Variants in MYO3B observed in about 807,000 individuals in gnomAD.
The protein encoded by MYO3B is myosin IIIB, also known as myosin-IIIb.
A neutral mutation model predicts 174.6 loss-of-function variants in MYO3B; 156 were observed. The ratio of observed to expected loss-of-function variants is 0.89; its 90% CI spans 0.78 to 1.02. MYO3B has a LOEUF of 1.02. Ranked by LOEUF, MYO3B falls within the 50% of genes least tolerant of loss-of-function variation. MYO3B has a pLI of 0.00. For missense variants in MYO3B, 1,632 were observed against 1,639.4 expected, an observed-to-expected ratio of 1.00 and a Z score of 0.08; for synonymous variants, 563 against 569.1, an observed-to-expected ratio of 0.99 and a Z score of 0.15.
chr2:170,178,742 A>G (rs1333165840), intron 1 of MYO3B, among the ~76,000 whole-genome samples: 1 of 152,110 alleles, frequency 6.6e-6, no homozygotes, highest in East Asian at 1.9e-4. Context: ...AATGTTTTTC[A>G]CCCAAGAGAG....
intron 7 of MYO3B, among the ~76,000 whole-genome samples, chr2:170,324,916 A>G (rs988426668): frequency 6.6e-6 from 1 of 152,076 alleles, no homozygotes; most frequent in African/African-American, 2.4e-5. Flanking sequence ...TGGCTTCTCA[A>G]TGAATTTCAA....
chr2:170,571,972 G>C (rs1692465594), intron 32 of MYO3B, among the ~76,000 whole-genome samples: 1 of 152,168 alleles, frequency 6.6e-6, no homozygotes, highest in Non-Finnish European at 1.5e-5. Flanking sequence ...GTATACCATT[G>C]AAACATCAGT....
chr2:170,553,581 G>A (rs937768721), intron 32 of MYO3B, among the ~76,000 whole-genome samples: 21 of 151,952 alleles, frequency 1.4e-4, no homozygotes, highest in Non-Finnish European at 2.8e-4. Context: ...CTTATAGGTG[G>A]AAGGGACTTG....
intron 32 of MYO3B, among the ~76,000 whole-genome samples, chr2:170,603,909 A>G (rs575273952): frequency 6.6e-6 from 1 of 152,306 alleles, no homozygotes; most frequent in South Asian, 2.1e-4. Context: ...TTATAATACC[A>G]TATTTTTGCT....
intron 23 of MYO3B, among the ~76,000 whole-genome samples, chr2:170,460,717 G>C (rs1322891673): frequency 6.6e-6 from 1 of 152,166 alleles, no homozygotes; most frequent in Non-Finnish European, 1.5e-5. Flanking sequence ...TCACTAGCTG[G>C]GAGCTACCTC....
At chr2:170,494,673 AC>A (rs1686724133) in intron 25 of MYO3B, among the ~76,000 whole-genome samples, 1 of 134,346 alleles carries the variant, frequency 7.4e-6, no homozygotes, top group Admixed American at 9.3e-5. Flanking sequence ...GGTTGCAGAG[AC>A]CCCAGATCAC....
chr2:170,334,373 A>T lies in MYO3B; in HGVS notation c.750-1012A>T, dbSNP rs535064494. On this transcript the variant is annotated intron_variant, in intron 7 of 34. Coordinates refer to ENST00000408978, the MANE Select transcript of MYO3B (RefSeq NM_138995.5). ...GGATATCGAGGGGCAAATTGCGATC[A>T]CATTATCTGATGTATATTTATTTCT... 5 of 152,348 alleles carry T rather than the reference A, an allele frequency of 3.3e-5. No homozygotes were observed. In the South Asian group the frequency reaches 1.0e-3, roughly 32 times the overall value. 9.4% of individuals were successfully genotyped at this position (152,348 alleles called of 1,614,324 possible).
intron 32 of MYO3B, among the ~76,000 whole-genome samples, chr2:170,580,815 A>G (rs574668921): frequency 2.6e-5 from 4 of 151,732 alleles, no homozygotes; most frequent in Non-Finnish European, 5.9e-5. Flanking sequence ...GAATATATTT[A>G]TCACTCTGCA....
intron 9 of MYO3B, 122 bp from the exon 10 acceptor site, chr2:170,381,894 C>A: frequency 1.3e-6 from 1 of 747,846 alleles, no homozygotes; most frequent in East Asian, 2.7e-5. Context: ...GACTTCCTGT[C>A]CCTGTCTCTG....
chr2:170,254,344 G>A (rs370027806), intron 7 of MYO3B, among the ~76,000 whole-genome samples: 1 of 152,086 alleles, frequency 6.6e-6, no homozygotes, highest in Non-Finnish European at 1.5e-5. Context: ...ACGCCCACCC[G>A]CAAAGGCTCT....
chr2:170,548,700 A>G (rs748409003), intron 32 of MYO3B, among the ~76,000 whole-genome samples: 19 of 152,204 alleles, frequency 1.2e-4, no homozygotes, highest in Non-Finnish European at 1.9e-4. Flanking sequence ...CACAAACACA[A>G]TTCTCCTTAT....
intron 32 of MYO3B, among the ~76,000 whole-genome samples, chr2:170,631,104 G>A (rs1329117034): frequency 6.6e-6 from 1 of 152,126 alleles, no homozygotes; most frequent in Admixed American, 6.5e-5. Flanking sequence ...ACTTCTCCGA[G>A]CTAAAGGAGG....
intron 32 of MYO3B, among the ~76,000 whole-genome samples, chr2:170,609,906 G>T (rs1269026134): frequency 6.6e-6 from 1 of 152,222 alleles, no homozygotes; most frequent in East Asian, 1.9e-4. Flanking sequence ...CTGGCCATGT[G>T]TTCAAATTGA....
At chr2:170,473,139 C>G (rs865899591) in intron 25 of MYO3B, among the ~76,000 whole-genome samples, 5 of 96,438 alleles carry the variant, frequency 5.2e-5, no homozygotes, top group Non-Finnish European at 1.1e-4. Context: ...TTTTTCTTTT[C>G]TTTTTTTTTT....
At chr2:170,389,595 A>G (rs368715424) in intron 14 of MYO3B, among the ~76,000 whole-genome samples, 33 of 152,326 alleles carry the variant, frequency 2.2e-4, no homozygotes, top group African/African-American at 7.2e-4. Context: ...GCTTGGAAGA[A>G]TTGAGAACTA....
At chr2:170,612,656 G>A (rs1278040875) in intron 32 of MYO3B, among the ~76,000 whole-genome samples, 7 of 152,184 alleles carry the variant, frequency 4.6e-5, no homozygotes. Context: ...TAACAGTGGA[G>A]GCAGGAGTTA....
At chr2:170,631,975 C>T (rs910178938) in intron 32 of MYO3B, among the ~76,000 whole-genome samples, 1 of 152,070 alleles carries the variant, frequency 6.6e-6, no homozygotes, top group African/African-American at 2.4e-5. Flanking sequence ...CAGGAGCACC[C>T]AGATTCATAA....
chr2:170,431,372 G>C (rs559190911), intron 22 of MYO3B, among the ~76,000 whole-genome samples: 1 of 152,332 alleles, frequency 6.6e-6, no homozygotes, highest in East Asian at 1.9e-4. Flanking sequence ...AGCCTTGTTA[G>C]CTCCTTGAAA....
At chr2:170,339,087 T>A (rs2093962504) in intron 8 of MYO3B, among the ~76,000 whole-genome samples, 1 of 152,226 alleles carries the variant, frequency 6.6e-6, no homozygotes, top group South Asian at 2.1e-4. Context: ...AGTTTGTTTT[T>A]ATACTTATCT....
Sources: allele counts gnomAD v4.1 joint callset (sites outside exome capture counted in the v4.1 genomes callset), GRCh38; gene constraint gnomAD v4.1.1; transcripts MANE v1.5; gene names NCBI Gene and HGNC (gene_info 2026-07-23, HGNC 2026-07-21).